LARP4: variants seen among roughly 807,000 people sequenced by gnomAD.
LARP4 encodes the protein La ribonucleoprotein 4.
LARP4 carries 29 observed loss-of-function variants against 92.9 expected under a neutral mutation model. That is an observed-to-expected ratio of 0.31 (90% confidence interval 0.23 to 0.43). LARP4 has a LOEUF of 0.43. LARP4 is among the 20% of genes least tolerant of loss of function. LARP4 has a pLI of 1.00. For missense variants in LARP4, 732 were observed against 860.0 expected (o/e 0.85, Z 1.86); for synonymous variants, 279 against 284.1 (o/e 0.98, Z 0.18).
chr12:50,427,129 A>G (rs1408430035), intron 1 of LARP4, among the ~76,000 whole-genome samples: 2 of 152,142 alleles, frequency 1.3e-5, no homozygotes, highest in Non-Finnish European at 2.9e-5. Flanking sequence ...AAAAATTTAC[A>G]ATATAAAGCA....
At chr12:50,471,310 T>G (rs1041496537) in intron 13 of LARP4, among the ~76,000 whole-genome samples, 20 of 152,304 alleles carry the variant, frequency 1.3e-4, no homozygotes, top group Middle Eastern at 3.4e-3. Flanking sequence ...CAGTATGTAT[T>G]CTTTTACTTC....
chr12:50,446,039 G>T (rs1593182193), intron 8 of LARP4, among the ~76,000 whole-genome samples: 1 of 124,270 alleles, frequency 8.0e-6, no homozygotes, highest in Admixed American at 1.0e-4. Flanking sequence ...GTCTCGCTCT[G>T]TCGCCCAGGC....
At chr12:50,413,259 G>A (rs556841262) in intron 1 of LARP4, among the ~76,000 whole-genome samples, 2 of 151,834 alleles carry the variant, frequency 1.3e-5, no homozygotes, top group South Asian at 4.2e-4. Flanking sequence ...GAGTCTAAAT[G>A]AAAAGATAGA....
chr12:50,421,313 G>A (rs370580488), intron 1 of LARP4: 31 of 981,636 alleles, frequency 3.2e-5, no homozygotes, highest in African/African-American at 2.4e-4. Flanking sequence ...ATAATCTTAA[G>A]TTTCATATTT....
chr12:50,444,774 C>T (rs1180739322), intron 8 of LARP4, among the ~76,000 whole-genome samples: 1 of 152,172 alleles, frequency 6.6e-6, no homozygotes, highest in Non-Finnish European at 1.5e-5. Context: ...GTGCTTCATT[C>T]TGTTTCAATT....
intron 1 of LARP4, among the ~76,000 whole-genome samples, chr12:50,423,751 ATTTTTT>A: frequency 7.7e-6 from 1 of 130,712 alleles, no homozygotes; most frequent in African/African-American, 2.8e-5. Flanking sequence ...CCGGCCTGTA[ATTTTTT>A]TTTTTTTTTT....
chr12:50,476,030 A>G lies in LARP4; in HGVS notation c.*166A>G, dbSNP rs1373370440. 3 of 535,256 alleles carry G rather than the reference A, an allele frequency of 5.6e-6. No individual in the cohort carries two copies. The highest frequency in any genetic ancestry group is 3.8e-5 in the African/African-American group (2 of 52,956). 33.2% of individuals were successfully genotyped at this position (535,256 alleles called of 1,614,324 possible). ...TGTGAGTGATAGGATCCCAAAATTC[A>G]TCTCTAATGTGGTTTTTAAATGCTG... On this transcript the variant is annotated 3_prime_UTR_variant, in exon 16 of 16. Coordinates refer to ENST00000398473, the MANE Select transcript of LARP4 (RefSeq NM_052879.5).
At chr12:50,470,231 A>G (rs1320238489) in intron 13 of LARP4, among the ~76,000 whole-genome samples, 3 of 152,240 alleles carry the variant, frequency 2.0e-5, no homozygotes, top group Middle Eastern at 6.8e-3. Flanking sequence ...AAAAAAAAAA[A>G]AGACTATCTT....
At chr12:50,449,214 A>G (rs1952711638) in intron 8 of LARP4, among the ~76,000 whole-genome samples, 1 of 152,150 alleles carries the variant, frequency 6.6e-6, no homozygotes. Context: ...CTGCACCCCC[A>G]ACATTGGCGG....
chr12:50,465,523 C>G (rs1414325611), intron 12 of LARP4, among the ~76,000 whole-genome samples: 1 of 152,032 alleles, frequency 6.6e-6, no homozygotes, highest in Non-Finnish European at 1.5e-5. Flanking sequence ...GGAGGGAGAT[C>G]TTAGCTGGGA....
Position 50,460,376 on chromosome 12 carries a change from T to G in LARP4, c.1122-759T>G, listed in dbSNP as rs944153682. Among the ~76,000 whole-genome samples, 3 of 152,182 alleles carry G rather than the reference T, an allele frequency of 2.0e-5. No homozygotes were observed. In the East Asian group the frequency reaches 5.8e-4, roughly 29 times the overall value. ...TAGGGTTTTCTCTGATGCCTGTGCA[T>G]GAATTCAGTTGTGCAATCATAGCTC... On this transcript the variant is annotated intron_variant, in intron 10 of 15. Coordinates refer to ENST00000398473, the MANE Select transcript of LARP4 (RefSeq NM_052879.5).
At chr12:50,448,054 A>C (rs1290585779) in intron 8 of LARP4, among the ~76,000 whole-genome samples, 1 of 151,960 alleles carries the variant, frequency 6.6e-6, no homozygotes, top group Non-Finnish European at 1.5e-5. Flanking sequence ...TTTAGTAGAG[A>C]TGGGGTTTCA....
intron 1 of LARP4, among the ~76,000 whole-genome samples, chr12:50,406,106 G>A (rs1944781916): frequency 6.6e-6 from 1 of 152,086 alleles, no homozygotes; most frequent in Non-Finnish European, 1.5e-5. Flanking sequence ...AGGGCCAACT[G>A]TACTTACTTA....
intron 5 of LARP4, 122 bp downstream of exon 5, chr12:50,435,746 G>C: frequency 1.5e-6 from 1 of 677,490 alleles, no homozygotes; most frequent in Non-Finnish European, 2.3e-6. Context: ...TTGTTGTTTT[G>C]TTCCGAATTC....
rs762987529 is a variant in LARP4, at chr12:50,426,684, G to GGTGTGTGTGTGTGTGT, written c.19-1046_19-1031dup. 1.5e-3 allele frequency among the ~76,000 whole-genome samples: 133 copies of GGTGTGTGTGTGTGTGT among 86,166 alleles called. 3 individuals carry two copies. The highest frequency in any genetic ancestry group is 8.9e-3 in the Middle Eastern group (1 of 112). 56.5% of individuals were successfully genotyped at this position (86,166 alleles called of 152,430 possible). ...GCATGGAACAGGGCATTATGTTTGGGGTGTGTGTGTGTGTGTGTGTGTGTG... is the reference window on the plus strand; with the variant it reads ...GCATGGAACAGGGCATTATGTTTGGGGTGTGTGTGTGTGTGTGTGTGTGTGTGTGTGTGTGTGTGTG... On this transcript the variant is annotated intron_variant, in intron 1 of 15. Coordinates refer to ENST00000398473, the MANE Select transcript of LARP4 (RefSeq NM_052879.5).
intron 8 of LARP4, among the ~76,000 whole-genome samples, chr12:50,452,200 G>A (rs1053887792): frequency 6.6e-6 from 1 of 152,048 alleles, no homozygotes; most frequent in African/African-American, 2.4e-5. Flanking sequence ...AGGGTTGTTG[G>A]ATCATACGGT....
Position 50,461,605 on chromosome 12 carries a change from T to G in LARP4, c.1334+258T>G. 8.0e-6 allele frequency: 3 copies of G among 376,190 alleles called. No homozygotes were observed. In the South Asian group the frequency reaches 8.6e-5, roughly 11 times the overall value. 23.3% of individuals were successfully genotyped at this position (376,190 alleles called of 1,614,324 possible). On this transcript the variant is annotated intron_variant, in intron 11 of 15. Coordinates refer to ENST00000398473, the MANE Select transcript of LARP4 (RefSeq NM_052879.5). ...TCCTTATAGCTCATATAAGAAAGAA[T>G]AGCTTAGAAAATTAACATATCCATT...
intron 4 of LARP4, among the ~76,000 whole-genome samples, chr12:50,430,775 C>T (rs1949535535): frequency 6.6e-6 from 1 of 151,930 alleles, no homozygotes; most frequent in South Asian, 2.1e-4. Flanking sequence ...ATTCTTGTGC[C>T]TCAGCCTCCA....
At chr12:50,406,344 C>T (rs898770010) in intron 1 of LARP4, among the ~76,000 whole-genome samples, 5 of 137,498 alleles carry the variant, frequency 3.6e-5, no homozygotes, top group Admixed American at 8.2e-5. Context: ...AAAAAATTAG[C>T]CAGGCCTGGT....
Sources: allele counts gnomAD v4.1 joint callset (sites outside exome capture counted in the v4.1 genomes callset), GRCh38; gene constraint gnomAD v4.1.1; transcripts MANE v1.5; gene names NCBI Gene and HGNC (gene_info 2026-07-23, HGNC 2026-07-21).